The following SPATA24 variants were observed in gnomAD, a reference collection of about 807,000 sequenced individuals.
The protein encoded by SPATA24 is spermatogenesis associated 24, also known as spermatogenesis-associated protein 24.
Under a neutral mutation model 28.9 loss-of-function variants are expected in SPATA24, and 21 were observed. The observed-to-expected ratio is 0.73, with a 90% CI of 0.52 to 1.05. SPATA24 has a LOEUF of 1.05. Among genes scored for constraint, SPATA24 ranks in the 50% least tolerant of loss-of-function variants. The pLI, the probability that SPATA24 is intolerant of heterozygous loss-of-function variation, is 0.00. For synonymous variants in SPATA24, 76 were observed against 89.9 expected, an observed-to-expected ratio of 0.85 and a Z score of 0.88; for missense variants, 215 against 242.9, an observed-to-expected ratio of 0.88 and a Z score of 0.76.
At chr5:139,396,708 G>C, downstream of SPATA24, 1 of 1,548,342 alleles carries the variant, frequency 6.5e-7, no homozygotes, top group Non-Finnish European at 8.7e-7. Flanking sequence ...CAAGAGGGAG[G>C]GAAGTAGCAG....
chr5:139,394,866 G>A, downstream of SPATA24: 2 of 1,528,328 alleles, frequency 1.3e-6, no homozygotes, highest in Non-Finnish European at 1.8e-6. Context: ...GGGCGCTGAC[G>A]GACAGGCGAG....
At chr5:139,401,150 C>A (rs925573244) in intron 4 of SPATA24, among the ~76,000 whole-genome samples, 1 of 151,940 alleles carries the variant, frequency 6.6e-6, no homozygotes, top group African/African-American at 2.4e-5. Context: ...AAGACTCCAT[C>A]TCAAAAAAAA....
At chr5:139,394,209 G>C, downstream of SPATA24, 1 of 1,548,674 alleles carries the variant, frequency 6.5e-7, no homozygotes, top group Non-Finnish European at 8.7e-7. Flanking sequence ...CCTTCTCCAG[G>C]ACCACGTGGG....
chr5:139,392,602 G>T, downstream of SPATA24: 1 of 1,368,962 alleles, frequency 7.3e-7, no homozygotes, highest in Non-Finnish European at 9.4e-7. The surrounding 1 kb of genome is among the most constrained non-coding windows in gnomAD (Gnocchi z 5.8). Context: ...GGCAGCCGCG[G>T]GCTCGGGGGC....
downstream of SPATA24, chr5:139,396,494 T>G (rs562029611): frequency 1.2e-4 from 140 of 1,200,732 alleles, 1 homozygote; most frequent in Middle Eastern, 1.6e-3. Context: ...AAGTTTCTGG[T>G]CAGGGCTTCC....
At chr5:139,394,361 G>A, downstream of SPATA24, 1 of 1,419,858 alleles carries the variant, frequency 7.0e-7, no homozygotes, top group Non-Finnish European at 9.1e-7. Context: ...AGGGGGCCCA[G>A]CGACTCGTCC....
At chr5:139,399,647 C>G (rs1466025060) in intron 4 of SPATA24, among the ~76,000 whole-genome samples, 1 of 152,180 alleles carries the variant, frequency 6.6e-6, no homozygotes, top group African/African-American at 2.4e-5. Context: ...TAGAAAATCC[C>G]TTTGAGAGTA....
At chr5:139,394,753 T>TCC (rs1245038803), downstream of SPATA24, 1 of 1,532,206 alleles carries the variant, frequency 6.5e-7, no homozygotes, top group African/African-American at 1.4e-5. Context: ...GACTTCCATC[T>TCC]CCCCCGACGG....
downstream of SPATA24, chr5:139,395,378 G>C (rs1758683429): frequency 2.9e-6 from 1 of 345,186 alleles, no homozygotes; most frequent in East Asian, 4.7e-5. Context: ...CAAAGCCTTG[G>C]AGCCAGGAGT....
chr5:139,394,759 G>A (rs1279750805), downstream of SPATA24: 2 of 1,533,010 alleles, frequency 1.3e-6, no homozygotes, highest in East Asian at 2.5e-5. Flanking sequence ...CATCTCCCCC[G>A]ACGGCAGCGT....
chr5:139,400,790 T>C (rs917912760), intron 4 of SPATA24, among the ~76,000 whole-genome samples: 30 of 151,452 alleles, frequency 2.0e-4, no homozygotes, highest in African/African-American at 6.8e-4. Flanking sequence ...ACAGATATTT[T>C]ACTTGGCCTA....
At chr5:139,402,797 T>C in intron 1 of SPATA24, 104 bp from the exon 2 acceptor site, 1 of 839,542 alleles carries the variant, frequency 1.2e-6, no homozygotes, top group Non-Finnish European at 2.0e-6. Context: ...TCGTGGTACC[T>C]AGGATGAGAC....
chr5:139,401,613 A>G (rs752240614), intron 4 of SPATA24, 142 bp downstream of exon 4: 81 of 895,414 alleles, frequency 9.0e-5, no homozygotes, highest in Admixed American at 3.2e-4. Flanking sequence ...GCCTTTTCGA[A>G]GGTGTGGCCC....
At chr5:139,393,250 T>A, downstream of SPATA24, 1 of 1,549,384 alleles carries the variant, frequency 6.5e-7, no homozygotes, top group Non-Finnish European at 8.7e-7. Flanking sequence ...CGAGGCCGCC[T>A]CTCCAGGACC....
rs956527936 is a variant in SPATA24, at chr5:139,397,132, G to A, written c.397C>T (p.His133Tyr). The change falls in exon 5 of 6, where the codon CAC becomes TAC. Residue 133 changes from histidine (H) to tyrosine (Y), a missense_variant. Physicochemically the swap from His to Tyr is moderately conservative, Grantham distance 83. Transcript: ENST00000450845. ...LITKCNEIES[H>Y]IIKQEDILNG... The stretch of plus-strand genomic sequence containing the variant: ...AGTATATCTTCTTGCTTTATAATGT[G>A]AGACTCAATCTCTGTGGGGGAGAGA... The A allele has an allele frequency of 1.5e-5, 24 of 1,551,854 alleles. No homozygotes were observed. Among genetic ancestry groups the A allele is most frequent in the Non-Finnish European group, 2.1e-5 (24 of 1,146,938 alleles).
intron 4 of SPATA24, among the ~76,000 whole-genome samples, chr5:139,400,471 T>G (rs967385451): frequency 6.6e-6 from 1 of 151,730 alleles, no homozygotes; most frequent in Non-Finnish European, 1.5e-5. Flanking sequence ...TATGCCCGGG[T>G]AATTTTTGGT....
At chr5:139,396,167 C>T (rs554895424), downstream of SPATA24, 25 of 985,356 alleles carry the variant, frequency 2.5e-5, 2 homozygotes, top group East Asian at 2.4e-3. Context: ...CTAATCTGAC[C>T]CCTGAAGTGG....
At chr5:139,396,958 G>T (rs1420740772) in intron 5 of SPATA24, 29 bp from the exon 6 acceptor site, 1 of 1,551,458 alleles carries the variant, frequency 6.4e-7, no homozygotes, top group African/African-American at 1.4e-5. Context: ...GTGGTGGGCT[G>T]TGGACAGCCA....
chr5:139,399,028 A>C lies in SPATA24; in HGVS notation c.386-1885T>G, dbSNP rs1484861600. ...GACAGAGCGAGATTCCGCTTCAAAA[A>C]AAAAAAAGGCCAGGCGTGGTGGCTC... On this transcript the variant is annotated intron_variant, in intron 4 of 5. Coordinates refer to ENST00000450845, the MANE Select transcript of SPATA24 (RefSeq NM_194296.2). Among the ~76,000 whole-genome samples, 2 of 55,464 alleles carry C rather than the reference A, an allele frequency of 3.6e-5. 1 individual carries two copies. Among genetic ancestry groups the C allele is most frequent in the African/African-American group, 3.6e-4 (2 of 5,490 alleles). 36.4% of individuals were successfully genotyped at this position (55,464 alleles called of 152,430 possible). A position where few individuals can be genotyped will look rare whatever the true frequency, so the allele number is the denominator to read the frequency against.
Sources: gnomAD v4.1 joint callset for allele counts (sites outside exome capture counted in the v4.1 genomes callset) on GRCh38, gnomAD v4.1.1 for gene constraint, Gnocchi (gnomAD v3.1) non-coding constraint, MANE v1.5 for transcripts, NCBI Gene and HGNC (gene_info 2026-07-23, HGNC 2026-07-21) for gene names.